CWH43: variants seen among roughly 807,000 people sequenced by gnomAD.
CWH43 encodes cell wall biogenesis 43 C-terminal homolog.
CWH43 carries 91 observed loss-of-function variants against 85.7 expected under a neutral mutation model. The observed-to-expected ratio is 1.06, with a 90% CI of 0.90 to 1.26. The LOEUF is 1.26. Among genes scored for constraint, CWH43 ranks in the 50% most tolerant of loss-of-function variants. CWH43 has a pLI of 0.00. For synonymous variants in CWH43, 323 were observed against 293.6 expected (o/e 1.10, Z -1.02); for missense variants, 869 against 839.2 (o/e 1.04, Z -0.44).
At chr4:49,049,840 T>C (rs1166533428) in intron 14 of CWH43, among the ~76,000 whole-genome samples, 1 of 152,198 alleles carries the variant, frequency 6.6e-6, no homozygotes, top group Non-Finnish European at 1.5e-5. Context: ...TACTCATCAC[T>C]GCCTGTCCTT....
chr4:48,996,804 T>C (rs1200018578), intron 5 of CWH43, among the ~76,000 whole-genome samples: 6 of 152,194 alleles, frequency 3.9e-5, no homozygotes, highest in African/African-American at 1.4e-4. Flanking sequence ...CTTTCTCACA[T>C]ATATAAAATC....
chr4:49,018,916 T>C (rs533961359), intron 9 of CWH43, among the ~76,000 whole-genome samples: 3 of 152,226 alleles, frequency 2.0e-5, no homozygotes, highest in African/African-American at 4.8e-5. Context: ...TAGACCATCA[T>C]TACATGCTCC....
chr4:49,048,939 C>T (rs1233784387), intron 14 of CWH43, among the ~76,000 whole-genome samples: 2 of 152,084 alleles, frequency 1.3e-5, no homozygotes, highest in Admixed American at 1.3e-4. Context: ...ATTCAATGCC[C>T]TACATGTAGT....
chr4:49,058,931 G>A (rs1785052998), intron 15 of CWH43, among the ~76,000 whole-genome samples: 1 of 152,072 alleles, frequency 6.6e-6, no homozygotes, highest in African/African-American at 2.4e-5. Context: ...TGATTATAAT[G>A]TGTCTTGGTA....
intron 4 of CWH43, 46 bp from the exon 5 acceptor site, chr4:48,994,573 T>A: frequency 6.5e-7 from 1 of 1,527,552 alleles, no homozygotes; most frequent in South Asian, 1.2e-5. Flanking sequence ...GAGCGCAAAT[T>A]TCCATATAAC....
At chr4:49,039,134 T>C (rs1235470414) in intron 13 of CWH43, among the ~76,000 whole-genome samples, 1 of 129,272 alleles carries the variant, frequency 7.7e-6, no homozygotes, top group African/African-American at 2.9e-5. Flanking sequence ...GAATTGAGAG[T>C]AAAACAAAAT....
At chr4:49,020,862 G>A (rs1577680256) in intron 9 of CWH43, among the ~76,000 whole-genome samples, 1 of 151,856 alleles carries the variant, frequency 6.6e-6, no homozygotes, top group East Asian at 1.9e-4. Context: ...ATCTTCTTTT[G>A]AGAATTGTCT....
intron 2 of CWH43, among the ~76,000 whole-genome samples, chr4:48,990,102 TCCA>T (rs1782611664): frequency 6.6e-6 from 1 of 152,210 alleles, no homozygotes; most frequent in Admixed American, 6.5e-5. Context: ...TGGGACAGTT[TCCA>T]TTACTTAAGT....
chr4:48,986,585 C>G lies in CWH43; in HGVS notation c.43+113C>G, dbSNP rs377334953. 591 of 1,519,756 alleles carry G rather than the reference C, an allele frequency of 3.9e-4. 10 individuals carry two copies. The South Asian group carries it at 7.0e-3, about 18-fold the overall frequency. 94.1% of individuals were successfully genotyped at this position (1,519,756 alleles called of 1,614,324 possible). On this transcript the variant is annotated intron_variant, in intron 1 of 15. Coordinates refer to ENST00000226432, the MANE Select transcript of CWH43 (RefSeq NM_025087.3). ...TTCAGGTAGGAGGAAAAGGGCGCTC[C>G]GTGCCCAGAGTGGAGATGCTTATCG...
At chr4:49,020,054 G>A (rs950333670) in intron 9 of CWH43, among the ~76,000 whole-genome samples, 26 of 151,934 alleles carry the variant, frequency 1.7e-4, no homozygotes, top group African/African-American at 6.3e-4. Context: ...GTGCTGTTTG[G>A]TTACGTGAAT....
At chr4:49,013,613 C>T (rs1300329536) in intron 8 of CWH43, among the ~76,000 whole-genome samples, 8 of 142,534 alleles carry the variant, frequency 5.6e-5, no homozygotes, top group Admixed American at 2.3e-4. Flanking sequence ...TGTTCCTATT[C>T]GTCCATCTAT....
chr4:48,996,365 T>C (rs1268731058), intron 5 of CWH43, among the ~76,000 whole-genome samples: 3 of 152,162 alleles, frequency 2.0e-5, no homozygotes, highest in Non-Finnish European at 2.9e-5. Flanking sequence ...CTTTATATTC[T>C]GTATTACAGA....
rs527841906 is a variant in CWH43 at position 48,988,628 on chromosome 4, C to T, written c.195C>T (p.Asn65=). 3.7e-6 allele frequency: 6 copies of T among 1,612,692 alleles called. No homozygotes were observed. The South Asian group carries it at 6.6e-5, about 18-fold the overall frequency. ...LTITPFWKLV[N]KKWMLTLLRI... ...TTACTCCTTTCTGGAAATTGGTTAA[C>T]AAGAAGTGGATGCTAACCCTGCTGA... Residue 65 remains asparagine, a synonymous_variant, in exon 2 of 16, where the codon AAC becomes AAT. Coordinates refer to ENST00000226432, the MANE Select transcript of CWH43 (RefSeq NM_025087.3).
At chr4:49,028,275 T>C (rs568067876) in intron 9 of CWH43, among the ~76,000 whole-genome samples, 1 of 152,336 alleles carries the variant, frequency 6.6e-6, no homozygotes, top group East Asian at 1.9e-4. Context: ...AATTCATTTA[T>C]TAGGGCTGTG....
chr4:49,054,278 G>T (rs2109845334), intron 15 of CWH43, among the ~76,000 whole-genome samples: 1 of 152,244 alleles, frequency 6.6e-6, no homozygotes, highest in East Asian at 1.9e-4. Flanking sequence ...TTTCCCCATT[G>T]TGTGTTTGGG....
chr4:49,017,467 A>G, intron 9 of CWH43, 139 bp downstream of exon 9: 1 of 556,896 alleles, frequency 1.8e-6, no homozygotes, highest in South Asian at 3.3e-5. Flanking sequence ...CTTATGTGCC[A>G]GACTGATAAG....
intron 15 of CWH43, among the ~76,000 whole-genome samples, chr4:49,053,761 T>G (rs1034464402): frequency 1.3e-5 from 2 of 152,190 alleles, no homozygotes; most frequent in African/African-American, 2.4e-5. Flanking sequence ...TCAAAACTTT[T>G]TGAGCACTGA....
At chr4:49,029,301 A>T (rs987030553) in intron 10 of CWH43, among the ~76,000 whole-genome samples, 1 of 152,192 alleles carries the variant, frequency 6.6e-6, no homozygotes, top group African/African-American at 2.4e-5. Context: ...GCTGTGCAGG[A>T]TGTGCCTTGT....
chr4:49,022,278 A>G (rs1783773837), intron 9 of CWH43, among the ~76,000 whole-genome samples: 1 of 152,142 alleles, frequency 6.6e-6, no homozygotes, highest in African/African-American at 2.4e-5. Context: ...GATATTGTCA[A>G]CTGCTTTTTC....
Sources: gnomAD v4.1 joint callset for allele counts (sites outside exome capture counted in the v4.1 genomes callset) on GRCh38, gnomAD v4.1.1 for gene constraint, MANE v1.5 for transcripts, NCBI Gene and HGNC (gene_info 2026-07-23, HGNC 2026-07-21) for gene names.